The following GRIA2 variants were observed in gnomAD, a reference collection of about 807,000 sequenced individuals.
GRIA2 encodes glutamate receptor 2.
Under a neutral mutation model 97.3 loss-of-function variants are expected in GRIA2, and 14 were observed. That is an observed-to-expected ratio of 0.14 (90% confidence interval 0.10 to 0.23). The LOEUF (loss-of-function observed/expected upper bound fraction) is 0.23, where lower values mean the gene tolerates loss of function less well. Among genes scored for constraint, GRIA2 ranks in the 10% least tolerant of loss-of-function variants. The pLI, the probability that GRIA2 is intolerant of heterozygous loss-of-function variation, is 1.00. For missense variants in GRIA2, 558 were observed against 1,069.8 expected (o/e 0.52, Z 6.67); for synonymous variants, 412 against 387.8 (o/e 1.06, Z -0.73).
intron 5 of GRIA2, 75 bp from the exon 6 acceptor site, chr4:157,321,363 A>G: frequency 1.0e-6 from 1 of 999,650 alleles, no homozygotes; most frequent in East Asian, 2.4e-5. Flanking sequence ...CACAATGTAT[A>G]GAGTTATTTG....
intron 2 of GRIA2, among the ~76,000 whole-genome samples, chr4:157,298,487 G>C (rs79232588): frequency 0.019 from 2,901 of 151,636 alleles, 40 homozygotes; most frequent in South Asian, 0.032. Context: ...ACATAGATAT[G>C]GTTCATCAGA....
chr4:157,334,193 AT>A, intron 9 of GRIA2, 73 bp downstream of exon 9: 1 of 769,732 alleles, frequency 1.3e-6, no homozygotes. Context: ...AGCTATTTAT[AT>A]TTTAGGAGAA....
rs138878122 is a variant in GRIA2 at position 157,312,861 on chromosome 4, G to C, written c.652G>C (p.Asp218His). ...GGACTGTGAAAGGGATAAAGTAAAC[G>C]ACATTGTAGACCAGGTTTGCTACTT... ...ILDCERDKVN[D>H]IVDQVITIGK... The change falls in exon 4 of 16, where the codon GAC becomes CAC. Residue 218 changes from aspartate to histidine, a missense_variant. Physicochemically the swap from Asp to His is moderately conservative, Grantham distance 81 (BLOSUM62 -1). Transcript: ENST00000264426. The C allele has an allele frequency of 1.9e-6, 3 of 1,584,530 alleles. No individual in the cohort carries two copies. Among genetic ancestry groups the C allele is most frequent in the Non-Finnish European group, 2.6e-6 (3 of 1,163,190 alleles).
intron 4 of GRIA2, among the ~76,000 whole-genome samples, chr4:157,313,806 G>C (rs1734193545): frequency 6.6e-6 from 1 of 151,864 alleles, no homozygotes; most frequent in Non-Finnish European, 1.5e-5. Flanking sequence ...TATTTATACA[G>C]TTGACCCTAC....
chr4:157,297,095 T>C (rs1447387645), intron 2 of GRIA2, among the ~76,000 whole-genome samples: 3 of 152,126 alleles, frequency 2.0e-5, no homozygotes, highest in African/African-American at 7.2e-5. Flanking sequence ...AGGAAAAAGA[T>C]TTATTATGAA....
chr4:157,353,925 C>G (rs1051289718), intron 12 of GRIA2, among the ~76,000 whole-genome samples: 3 of 151,734 alleles, frequency 2.0e-5, no homozygotes, highest in African/African-American at 7.3e-5. Context: ...TAACTGTAAC[C>G]CTTTATAAAA....
chr4:157,245,156 G>A (rs561871504), intron 2 of GRIA2, among the ~76,000 whole-genome samples: 75 of 152,136 alleles, frequency 4.9e-4, no homozygotes, highest in African/African-American at 1.8e-3. Flanking sequence ...CTTAGAGAGT[G>A]AAATCAGAGC....
At chr4:157,255,663 G>A (rs1731210196) in intron 2 of GRIA2, among the ~76,000 whole-genome samples, 1 of 151,838 alleles carries the variant, frequency 6.6e-6, no homozygotes, top group Non-Finnish European at 1.5e-5. Context: ...CACAGCAAAA[G>A]AAATGATCAA....
intron 2 of GRIA2, among the ~76,000 whole-genome samples, chr4:157,255,965 G>A (rs182197862): frequency 1.4e-3 from 214 of 150,616 alleles, no homozygotes; most frequent in Middle Eastern, 3.4e-3. Context: ...GATATCATTC[G>A]TACATGTAGT....
chr4:157,355,621 T>TATATATTTATTTAC, intron 12 of GRIA2, among the ~76,000 whole-genome samples: 1 of 139,604 alleles, frequency 7.2e-6, no homozygotes, highest in East Asian at 2.0e-4. Context: ...TATTTATTTA[T>TATATATTTATTTAC]ATATATTTAT....
At chr4:157,308,106 A>C (rs1280131038) in intron 3 of GRIA2, among the ~76,000 whole-genome samples, 1 of 152,236 alleles carries the variant, frequency 6.6e-6, no homozygotes, top group Non-Finnish European at 1.5e-5. Context: ...TTAACCCTTT[A>C]ACGTGCAAAC....
intron 2 of GRIA2, among the ~76,000 whole-genome samples, chr4:157,224,126 G>A (rs181976041): frequency 1.3e-5 from 2 of 152,204 alleles, no homozygotes; most frequent in East Asian, 1.9e-4. Flanking sequence ...TGAGAAGCTG[G>A]AATAATCAAG....
chr4:157,236,918 C>G (rs1200682705), intron 2 of GRIA2, among the ~76,000 whole-genome samples: 1 of 152,034 alleles, frequency 6.6e-6, no homozygotes, highest in African/African-American at 2.4e-5. Context: ...AGCTGTTTTA[C>G]CCAGCTTTGT....
chr4:157,332,690 G>A (rs1293766039), intron 6 of GRIA2, 129 bp from the exon 7 acceptor site: 1 of 626,244 alleles, frequency 1.6e-6, no homozygotes, highest in Non-Finnish European at 2.8e-6. Context: ...TCTAGATGCA[G>A]AAATTGTGTT....
chr4:157,260,844 CCTT>C (rs1410452270), intron 2 of GRIA2, among the ~76,000 whole-genome samples: 1 of 151,580 alleles, frequency 6.6e-6, no homozygotes, highest in Non-Finnish European at 1.5e-5. Context: ...CTTTTTCTTC[CCTT>C]CTTCTCCCTT....
intron 5 of GRIA2, among the ~76,000 whole-genome samples, chr4:157,319,511 C>T (rs1734467372): frequency 6.6e-6 from 1 of 152,062 alleles, no homozygotes; most frequent in African/African-American, 2.4e-5. Context: ...TTCTTTTTCT[C>T]AATACTTGGT....
chr4:157,317,649 G>T lies in GRIA2; in HGVS notation c.667-9G>T. ...ATTAATTAAATAATTACTTATTTGT[G>T]CTTATTAGGTTATTACCATTGGAAA... is the stretch of plus-strand genomic sequence containing the variant. On this transcript the variant is annotated splice_polypyrimidine_tract_variant and intron_variant, in intron 4 of 15. Transcript: ENST00000264426. The T allele has an allele frequency of 1.0e-6, 1 of 1,000,292 alleles. No individual in the cohort carries two copies. Among genetic ancestry groups the T allele is most frequent in the Non-Finnish European group, 1.6e-6 (1 of 638,744 alleles). 62.0% of individuals were successfully genotyped at this position (1,000,292 alleles called of 1,614,324 possible). A position where few individuals can be genotyped will look rare whatever the true frequency, so the allele number is the denominator to read the frequency against.
chr4:157,262,610 T>A (rs752867841), intron 2 of GRIA2, among the ~76,000 whole-genome samples: 1 of 152,052 alleles, frequency 6.6e-6, no homozygotes, highest in Non-Finnish European at 1.5e-5. Context: ...GCCCCCAATT[T>A]CAACCCAGTT....
chr4:157,257,899 A>G (rs576861891), intron 2 of GRIA2, among the ~76,000 whole-genome samples: 5 of 152,146 alleles, frequency 3.3e-5, no homozygotes, highest in Non-Finnish European at 7.4e-5. Flanking sequence ...ATGGACATTT[A>G]TTAATTCACC....
Sources: allele counts gnomAD v4.1 joint callset (sites outside exome capture counted in the v4.1 genomes callset), GRCh38; gene constraint gnomAD v4.1.1; transcripts MANE v1.5; gene names NCBI Gene and HGNC (gene_info 2026-07-23, HGNC 2026-07-21).